AFG2A: variants seen among roughly 807,000 people sequenced by gnomAD.
The protein encoded by AFG2A is AAA ATPase AFG2A.
At chr4:123,062,362 T>C in the AFG2A span, among the ~76,000 whole-genome samples, 6 of 152,218 alleles carry the variant, frequency 3.9e-5, no homozygotes, top group Non-Finnish European at 8.8e-5. Flanking sequence ...CTAGATAGTA[T>C]AACAATCATC....
chr4:123,101,476 A>C, the AFG2A span, among the ~76,000 whole-genome samples: 254 of 152,066 alleles, frequency 1.7e-3, 1 homozygote, highest in African/African-American at 5.8e-3. Context: ...TTCAACACTA[A>C]TCTAGTTTGA....
At chr4:122,949,165 G>A in the AFG2A span, among the ~76,000 whole-genome samples, 2 of 152,148 alleles carry the variant, frequency 1.3e-5, no homozygotes, top group East Asian at 1.9e-4. Flanking sequence ...CATAGGTTCC[G>A]CCCTTGTGGG....
the AFG2A span, among the ~76,000 whole-genome samples, chr4:122,941,599 T>G: frequency 1.3e-5 from 2 of 152,266 alleles, no homozygotes; most frequent in Admixed American, 6.5e-5. Flanking sequence ...TTTGACTTCC[T>G]CTTTTCCTAA....
At chr4:123,106,558 T>G in the AFG2A span, among the ~76,000 whole-genome samples, 2 of 152,246 alleles carry the variant, frequency 1.3e-5, no homozygotes, top group Non-Finnish European at 2.9e-5. Context: ...AGCTTTATAC[T>G]TCAGCAACAG....
chr4:122,987,107 A>T, the AFG2A span, among the ~76,000 whole-genome samples: 4 of 152,014 alleles, frequency 2.6e-5, no homozygotes, highest in African/African-American at 9.7e-5. Flanking sequence ...GACTTAGTCT[A>T]TTTTGTCTAA....
the AFG2A span, among the ~76,000 whole-genome samples, chr4:123,274,873 A>G: frequency 6.6e-6 from 1 of 152,186 alleles, no homozygotes; most frequent in East Asian, 1.9e-4. Flanking sequence ...CATAATTTTC[A>G]ATAAAAAGAA....
the AFG2A span, among the ~76,000 whole-genome samples, chr4:122,945,384 A>C: frequency 1.6e-3 from 238 of 152,252 alleles, 1 homozygote; most frequent in African/African-American, 5.4e-3. Flanking sequence ...GCCGCCTTGC[A>C]GTTTGATCTC....
chr4:122,975,936 A>G, the AFG2A span, among the ~76,000 whole-genome samples: 1 of 152,142 alleles, frequency 6.6e-6, no homozygotes, highest in Admixed American at 6.6e-5. Flanking sequence ...TTTTTGGTGT[A>G]TGTTTGTACT....
chr4:123,263,232 C>T, the AFG2A span, among the ~76,000 whole-genome samples: 5 of 152,254 alleles, frequency 3.3e-5, no homozygotes, highest in Admixed American at 3.3e-4. Flanking sequence ...CACCATTACA[C>T]GAATTAGAAA....
the AFG2A span, among the ~76,000 whole-genome samples, chr4:123,199,470 T>TG: frequency 7.4e-6 from 1 of 134,702 alleles, no homozygotes; most frequent in South Asian, 2.6e-4. Context: ...AGGTTTTTTT[T>TG]TTTTTTTTTT....
the AFG2A span, among the ~76,000 whole-genome samples, chr4:123,183,471 T>C: frequency 6.6e-6 from 1 of 152,218 alleles, no homozygotes; most frequent in Non-Finnish European, 1.5e-5. Flanking sequence ...TAAAAGTTTA[T>C]TTCATGACAG....
the AFG2A span, among the ~76,000 whole-genome samples, chr4:123,010,844 T>G: frequency 1.3e-5 from 2 of 152,250 alleles, no homozygotes; most frequent in African/African-American, 4.8e-5. Flanking sequence ...AATTGTCTTG[T>G]GACATACTTT....
At chr4:123,137,561 A>T in the AFG2A span, among the ~76,000 whole-genome samples, 1 of 152,120 alleles carries the variant, frequency 6.6e-6, no homozygotes, top group African/African-American at 2.4e-5. Context: ...CTCATTTTAC[A>T]TTCTTTTAAC....
At chr4:123,057,250 C>G in the AFG2A span, 1 of 1,613,772 alleles carries the variant, frequency 6.2e-7, no homozygotes, top group Non-Finnish European at 8.5e-7. Context: ...CCATTATTTT[C>G]TTTGATGAAC....
the AFG2A span, among the ~76,000 whole-genome samples, chr4:123,126,989 G>A: frequency 6.6e-6 from 1 of 152,132 alleles, no homozygotes; most frequent in East Asian, 1.9e-4. Context: ...GGGAGCCTGG[G>A]GCAGGAGGAT....
the AFG2A span, chr4:122,934,792 C>A: frequency 6.6e-7 from 1 of 1,510,822 alleles, no homozygotes; most frequent in Non-Finnish European, 8.8e-7. Context: ...AATTAAAAGA[C>A]AGTTGACACT....
chr4:123,210,922 A>T, the AFG2A span, among the ~76,000 whole-genome samples: 1 of 151,998 alleles, frequency 6.6e-6, no homozygotes, highest in East Asian at 1.9e-4. Context: ...CTGTCAAATC[A>T]TGGTAGACAT....
At chr4:122,925,006 T>G in the AFG2A span, among the ~76,000 whole-genome samples, 1 of 152,186 alleles carries the variant, frequency 6.6e-6, no homozygotes, top group African/African-American at 2.4e-5. Context: ...GTACAATAAC[T>G]CTTCTCATGA....
the AFG2A span, among the ~76,000 whole-genome samples, chr4:123,042,656 G>C: frequency 6.6e-6 from 1 of 152,000 alleles, no homozygotes; most frequent in Admixed American, 6.6e-5. Flanking sequence ...TGCATTCAGT[G>C]CATTTTGATA....
Sources: gnomAD v4.1 joint callset for allele counts (sites outside exome capture counted in the v4.1 genomes callset) on GRCh38, gnomAD v4.1.1 for gene constraint, MANE v1.5 for transcripts, NCBI Gene and HGNC (gene_info 2026-07-23, HGNC 2026-07-21) for gene names.